The following COG5 variants were observed in gnomAD, a reference collection of about 807,000 sequenced individuals.
The protein encoded by COG5 is conserved oligomeric Golgi complex subunit 5.
Under a neutral mutation model 110.4 loss-of-function variants are expected in COG5, and 86 were observed. That is an observed-to-expected ratio of 0.78 (90% CI 0.65 to 0.93). The LOEUF (loss-of-function observed/expected upper bound fraction) is 0.93. Among genes scored for constraint, COG5 ranks in the 40% least tolerant of loss-of-function variants. The probability of loss-of-function intolerance (pLI) is 0.00; values close to 1 mark genes in which losing one functional copy is unlikely to be tolerated. For missense variants in COG5, 1,077 were observed against 987.0 expected, an observed-to-expected ratio of 1.09 and a Z score of -1.22; for synonymous variants, 360 against 334.6, an observed-to-expected ratio of 1.08 and a Z score of -0.83.
intron 6 of COG5, among the ~76,000 whole-genome samples, chr7:107,493,183 G>T (rs1385933954): frequency 1.3e-5 from 2 of 152,108 alleles, no homozygotes; most frequent in Non-Finnish European, 1.5e-5. Context: ...CTTCCACCAC[G>T]TAAGGATGCA....
intron 16 of COG5, 148 bp downstream of exon 16, chr7:107,256,584 T>A: frequency 1.6e-6 from 1 of 637,386 alleles, no homozygotes; most frequent in Non-Finnish European, 2.8e-6. Context: ...ACACTTGTTA[T>A]CTATTCTCTT....
At chr7:107,342,603 G>A (rs1811262455) in intron 10 of COG5, among the ~76,000 whole-genome samples, 1 of 151,928 alleles carries the variant, frequency 6.6e-6, no homozygotes. Context: ...GCTTGAACCT[G>A]GGAAGTACAG....
chr7:107,298,432 A>G, intron 11 of COG5, 86 bp from the exon 12 acceptor site: 1 of 1,107,606 alleles, frequency 9.0e-7, no homozygotes, highest in Non-Finnish European at 1.3e-6. Context: ...GTTCCAAATA[A>G]CCCATACTAT....
At chr7:107,281,948 A>G (rs1042019852) in intron 13 of COG5, among the ~76,000 whole-genome samples, 1 of 151,546 alleles carries the variant, frequency 6.6e-6, no homozygotes, top group Non-Finnish European at 1.5e-5. Context: ...TTCTTAAAGT[A>G]TATTTTTGTC....
chr7:107,337,071 G>A (rs1358177744), intron 10 of COG5, among the ~76,000 whole-genome samples: 1 of 151,818 alleles, frequency 6.6e-6, no homozygotes, highest in Non-Finnish European at 1.5e-5. Flanking sequence ...TAATCATCAG[G>A]GAAATGCAAA....
At chr7:107,316,265 A>T (rs186312637) in intron 11 of COG5, among the ~76,000 whole-genome samples, 1 of 152,268 alleles carries the variant, frequency 6.6e-6, no homozygotes, top group East Asian at 1.9e-4. Context: ...GAGAAGGAGA[A>T]ATCCAACACA....
At chr7:107,500,955 A>G (rs543040944) in intron 6 of COG5, among the ~76,000 whole-genome samples, 1 of 152,154 alleles carries the variant, frequency 6.6e-6, no homozygotes, top group African/African-American at 2.4e-5. Flanking sequence ...AGCCTTTAGC[A>G]ATCTTAATTT....
intron 14 of COG5, among the ~76,000 whole-genome samples, chr7:107,277,661 A>C (rs922710435): frequency 2.6e-5 from 4 of 152,212 alleles, no homozygotes; most frequent in African/African-American, 9.6e-5. Context: ...AAATAAATGA[A>C]ATAATATATA....
intron 7 of COG5, among the ~76,000 whole-genome samples, chr7:107,381,520 G>A (rs577463890): frequency 5.3e-5 from 8 of 152,280 alleles, no homozygotes; most frequent in African/African-American, 1.7e-4. Flanking sequence ...TTCGTCAATT[G>A]TGTTTGAACT....
At chr7:107,283,887 T>C (rs1020430034) in intron 12 of COG5, among the ~76,000 whole-genome samples, 155 bp from the exon 13 acceptor site, 2 of 152,168 alleles carry the variant, frequency 1.3e-5, no homozygotes, top group Admixed American at 1.3e-4. Flanking sequence ...AACGTACATA[T>C]TTACCAATAT....
intron 19 of COG5, 86 bp downstream of exon 19, chr7:107,230,529 T>C (rs528828167): frequency 9.1e-5 from 90 of 987,092 alleles, no homozygotes; most frequent in African/African-American, 8.9e-4. Context: ...TGGTTGAATA[T>C]TGGCAATTTT....
At chr7:107,271,351 T>C (rs1804254465) in intron 14 of COG5, among the ~76,000 whole-genome samples, 2 of 152,274 alleles carry the variant, frequency 1.3e-5, no homozygotes, top group East Asian at 3.9e-4. Context: ...TGGAATTACA[T>C]CAAATCTACA....
intron 6 of COG5, among the ~76,000 whole-genome samples, chr7:107,439,964 G>A (rs1260954838): frequency 6.6e-6 from 1 of 152,170 alleles, no homozygotes; most frequent in Non-Finnish European, 1.5e-5. Context: ...TCGACACACT[G>A]TCTACCCTGA....
chr7:107,360,412 T>C lies in COG5; in HGVS notation c.1026+1621A>G, dbSNP rs113116126. Among the ~76,000 whole-genome samples the C allele has an allele frequency of 3.3e-3, 495 of 152,282 alleles. 4 individuals are homozygous for C. The highest frequency in any genetic ancestry group is 0.011 in the African/African-American group (465 of 41,560). Reference sequence around the variant, plus strand: ...CACCAAATGGCTGGACTAAAAAAGCTGTAACACAAACAGGGATGAAACATG... The same window carrying C: ...CACCAAATGGCTGGACTAAAAAAGCCGTAACACAAACAGGGATGAAACATG... On this transcript the variant is annotated intron_variant, in intron 10 of 21. Coordinates refer to ENST00000297135, the MANE Select transcript of COG5 (RefSeq NM_006348.5).
intron 10 of COG5, among the ~76,000 whole-genome samples, chr7:107,360,848 T>A (rs1813048773): frequency 6.6e-6 from 1 of 152,148 alleles, no homozygotes; most frequent in South Asian, 2.1e-4. Flanking sequence ...GGGCTGGTAG[T>A]GTGAGCCAAG....
chr7:107,354,199 C>T (rs1469953439), intron 10 of COG5, among the ~76,000 whole-genome samples: 1 of 152,138 alleles, frequency 6.6e-6, no homozygotes, highest in African/African-American at 2.4e-5. Flanking sequence ...AAATCCTTGA[C>T]ATTAGTTTAT....
intron 10 of COG5, among the ~76,000 whole-genome samples, chr7:107,331,292 A>C (rs891103459): frequency 3.3e-5 from 5 of 151,874 alleles, no homozygotes; most frequent in Non-Finnish European, 7.4e-5. Flanking sequence ...ATTATGAAAC[A>C]CCATCTCTAC....
At chr7:107,389,317 C>G (rs1790447918) in intron 7 of COG5, among the ~76,000 whole-genome samples, 1 of 150,328 alleles carries the variant, frequency 6.7e-6, no homozygotes, top group Non-Finnish European at 1.5e-5. Context: ...CAGTGGGGTC[C>G]CTCAATAATG....
At chr7:107,376,307 CT>C (rs996863166) in intron 7 of COG5, among the ~76,000 whole-genome samples, 1 of 151,728 alleles carries the variant, frequency 6.6e-6, no homozygotes. Flanking sequence ...GACAAATGTC[CT>C]TTTTTTAAAA....
Sources: allele counts gnomAD v4.1 joint callset (sites outside exome capture counted in the v4.1 genomes callset), GRCh38; gene constraint gnomAD v4.1.1; transcripts MANE v1.5; gene names NCBI Gene and HGNC (gene_info 2026-07-23, HGNC 2026-07-21).